The following CSMD1 variants were observed in gnomAD, a reference collection of about 807,000 sequenced individuals.
CSMD1 encodes the protein CUB and Sushi multiple domains 1.
In CSMD1, 213 loss-of-function variants were observed where a neutral mutation model predicts 417.5. The ratio of observed to expected loss-of-function variants is 0.51; its 90% confidence interval spans 0.46 to 0.57. The LOEUF is 0.57. CSMD1 is among the 20% of genes least tolerant of loss of function. CSMD1 has a pLI of 0.00. For missense variants in CSMD1, 6,923 were observed against 4,529.7 expected (o/e 1.53, Z -15.17); for synonymous variants, 2,862 against 1,736.8 (o/e 1.65, Z -16.11).
At chr8:4,249,592 G>C (rs547202827) in intron 3 of CSMD1, among the ~76,000 whole-genome samples, 1 of 152,140 alleles carries the variant, frequency 6.6e-6, no homozygotes, top group Non-Finnish European at 1.5e-5. Context: ...GCTGTGTATT[G>C]AGAGAATGGT....
intron 39 of CSMD1, among the ~76,000 whole-genome samples, chr8:3,151,950 T>C (rs759862546): frequency 1.3e-5 from 2 of 152,150 alleles, no homozygotes; most frequent in Non-Finnish European, 1.5e-5. Context: ...CCTGAAAGGA[T>C]TACCATTCCC....
At chr8:3,387,774 G>A in intron 17 of CSMD1, 92 bp from the exon 18 acceptor site, 1 of 1,005,976 alleles carries the variant, frequency 9.9e-7, no homozygotes, top group Non-Finnish European at 1.5e-6. Flanking sequence ...AATAGTCTCA[G>A]AAATAATAAG....
At chr8:4,009,145 G>A (rs1322805159) in intron 4 of CSMD1, among the ~76,000 whole-genome samples, 7 of 152,230 alleles carry the variant, frequency 4.6e-5, no homozygotes, top group Admixed American at 3.9e-4. Flanking sequence ...AAGAACATAA[G>A]GCATTTAAGG....
intron 12 of CSMD1, among the ~76,000 whole-genome samples, chr8:3,459,826 C>T (rs535130456): frequency 5.3e-5 from 8 of 152,180 alleles, no homozygotes; most frequent in Middle Eastern, 3.4e-3. Flanking sequence ...GACTCATTGG[C>T]TACTGGGCTA....
In CSMD1 at chr8:3,795,957, C is replaced by T. The variant is rs866220226; in HGVS notation, c.819-41915G>A. Among the ~76,000 whole-genome samples the T allele has an allele frequency of 1.8e-4, 7 of 39,284 alleles. 2 individuals carry two copies. Among genetic ancestry groups the T allele is most frequent in the East Asian group, 1.4e-3 (2 of 1,448 alleles). The allele number at this position is 39,284 out of a possible 152,430, so 25.8% of individuals were successfully genotyped here. A position where few individuals can be genotyped will look rare whatever the true frequency, so the allele number is the denominator to read the frequency against. ...TACAGATATAGATATCTATCATGTACAGATATAGATATCTATCATGTACAG... is the reference window on the plus strand; with the variant it reads ...TACAGATATAGATATCTATCATGTATAGATATAGATATCTATCATGTACAG... On this transcript the variant is annotated intron_variant, in intron 5 of 69. Coordinates refer to ENST00000635120, the MANE Select transcript of CSMD1 (RefSeq NM_033225.6).
chr8:4,003,437 A>G (rs1024574867), intron 4 of CSMD1, among the ~76,000 whole-genome samples: 15 of 151,936 alleles, frequency 9.9e-5, no homozygotes, highest in Non-Finnish European at 1.5e-4. Flanking sequence ...TAAATAAATA[A>G]ATAGATAAGT....
chr8:4,860,831 C>T (rs1156328730), intron 1 of CSMD1, among the ~76,000 whole-genome samples: 1 of 152,118 alleles, frequency 6.6e-6, no homozygotes, highest in East Asian at 1.9e-4. Context: ...GTCCCCAACA[C>T]AGCATAATTA....
chr8:4,610,247 G>C (rs995587019), intron 2 of CSMD1, among the ~76,000 whole-genome samples: 1 of 152,158 alleles, frequency 6.6e-6, no homozygotes, highest in Non-Finnish European at 1.5e-5. Flanking sequence ...ATCCTTCATA[G>C]AGATCAAGTG....
In CSMD1 at chr8:3,978,941, C is replaced by A. The variant is rs544438994; in HGVS notation, c.818+18962G>T. 4.5e-4 allele frequency among the ~76,000 whole-genome samples: 69 copies of A among 152,328 alleles called. No homozygotes were observed. In the South Asian group the frequency reaches 7.0e-3, roughly 16 times the overall value. On this transcript the variant is annotated intron_variant, in intron 5 of 69. Coordinates refer to ENST00000635120, the MANE Select transcript of CSMD1 (RefSeq NM_033225.6). ...GTCCTAATGTGCATTTCATTGCCAG[C>A]CACAGGTTCCACTGTTTTTACACTG...
chr8:3,823,330 A>G (rs766468439), intron 5 of CSMD1, among the ~76,000 whole-genome samples: 6 of 152,188 alleles, frequency 3.9e-5, no homozygotes, highest in Non-Finnish European at 8.8e-5. Context: ...CATGTGTAAC[A>G]GGGACCCAGT....
intron 12 of CSMD1, among the ~76,000 whole-genome samples, chr8:3,432,020 T>G (rs1232307306): frequency 1.3e-5 from 2 of 152,194 alleles, no homozygotes; most frequent in East Asian, 3.9e-4. Context: ...GTGAATTCCA[T>G]GTTCTGCTAA....
chr8:4,314,457 C>G (rs994004034), intron 3 of CSMD1, among the ~76,000 whole-genome samples: 1 of 152,140 alleles, frequency 6.6e-6, no homozygotes, highest in African/African-American at 2.4e-5. Context: ...AAATATAAGC[C>G]AATTTCAATT....
At chr8:2,959,639 C>A (rs1039999186) in intron 62 of CSMD1, among the ~76,000 whole-genome samples, 6 of 152,060 alleles carry the variant, frequency 3.9e-5, no homozygotes, top group Non-Finnish European at 5.9e-5. Context: ...TTCGGGGACA[C>A]GCTGGCTGGA....
chr8:4,341,874 A>T (rs1163708670), intron 3 of CSMD1, among the ~76,000 whole-genome samples: 1 of 152,072 alleles, frequency 6.6e-6, no homozygotes, highest in Non-Finnish European at 1.5e-5. Flanking sequence ...GCTGATGTTA[A>T]CCTTCCACAC....
chr8:3,944,798 T>A (rs1585010468), intron 5 of CSMD1, among the ~76,000 whole-genome samples: 2 of 152,266 alleles, frequency 1.3e-5, no homozygotes, highest in Admixed American at 1.3e-4. Context: ...TCTATTCTGT[T>A]TTTGCGTTTC....
intron 1 of CSMD1, among the ~76,000 whole-genome samples, chr8:4,943,353 G>A (rs547388072): frequency 8.6e-5 from 13 of 151,980 alleles, no homozygotes; most frequent in African/African-American, 2.4e-4. Flanking sequence ...AAAATTAGCC[G>A]GGCGTGGTGG....
At chr8:3,277,299 A>C (rs1802370411) in intron 26 of CSMD1, among the ~76,000 whole-genome samples, 1 of 152,126 alleles carries the variant, frequency 6.6e-6, no homozygotes, top group Non-Finnish European at 1.5e-5. Flanking sequence ...AGCAGAAGTG[A>C]GGCGTTGCCC....
chr8:3,843,885 T>G (rs956663887), intron 5 of CSMD1, among the ~76,000 whole-genome samples: 5 of 152,332 alleles, frequency 3.3e-5, no homozygotes, highest in Middle Eastern at 3.4e-3. Context: ...GAGTACAATT[T>G]AGAGTAACGT....
intron 5 of CSMD1, among the ~76,000 whole-genome samples, chr8:3,880,014 G>A (rs1156871283): frequency 6.6e-6 from 1 of 151,986 alleles, no homozygotes; most frequent in African/African-American, 2.4e-5. Flanking sequence ...CGAAGTTACT[G>A]ACTAATGTAA....
Sources: allele counts gnomAD v4.1 joint callset (sites outside exome capture counted in the v4.1 genomes callset), GRCh38; gene constraint gnomAD v4.1.1; transcripts MANE v1.5; gene names NCBI Gene and HGNC (gene_info 2026-07-23, HGNC 2026-07-21).